Variants in TMEM255A observed in about 807,000 individuals in gnomAD.
TMEM255A encodes transmembrane protein 255A.
TMEM255A carries 14 observed loss-of-function variants against 23.5 expected under a neutral mutation model. The observed-to-expected ratio is 0.60, with a 90% CI of 0.39 to 0.93. The LOEUF is 0.93. Among genes scored for constraint, TMEM255A ranks in the 40% least tolerant of loss-of-function variants. The pLI is 0.00. For synonymous variants in TMEM255A, 104 were observed against 100.3 expected (o/e 1.04, Z -0.22); for missense variants, 233 against 261.7 (o/e 0.89, Z 0.76).
In TMEM255A at chrX:120,260,931, G is replaced by A. The variant is rs993421146; in HGVS notation, c.917C>T (p.Pro306Leu). ...ATAGTAGGGTGGAGAGTAACGGGGC[G>A]GTGCACTTGAGGACCACATGTAGCT... Reference protein sequence around the residue: ...SPSYMWSSSAPPRYSPPYYPP... With the variant: ...SPSYMWSSSALPRYSPPYYPP... Residue 306 changes from proline (P) to leucine (L), a missense_variant, in exon 9 of 9, where the codon CCG becomes CTG. By Grantham distance (98) the Pro-to-Leu change is moderately conservative. Transcript: ENST00000371369. 1.0e-5 allele frequency: 12 copies of A among 1,197,844 alleles called. No homozygotes were observed. Among genetic ancestry groups the A allele is most frequent in the African/African-American group, 7.1e-5 (4 of 56,065 alleles).
chrX:120,306,598 C>T (rs913434234), intron 1 of TMEM255A, among the ~76,000 whole-genome samples: 19 of 112,107 alleles, frequency 1.7e-4, no homozygotes, highest in Middle Eastern at 9.2e-3. Flanking sequence ...CCACGGATAT[C>T]TTTGTGATAT....
chrX:120,289,498 G>A (rs914107043), intron 4 of TMEM255A, among the ~76,000 whole-genome samples: 1 of 111,693 alleles, frequency 9.0e-6, no homozygotes, highest in Non-Finnish European at 1.9e-5. Context: ...TAGGATGGCT[G>A]GAATCAAAAA....
chrX:120,274,809 C>T (rs1193545880), intron 7 of TMEM255A, among the ~76,000 whole-genome samples: 2 of 112,003 alleles, frequency 1.8e-5, no homozygotes, highest in Non-Finnish European at 3.8e-5. Context: ...TCAGCGCCCA[C>T]AGTAGGGTAA....
chrX:120,311,395 G>A lies in TMEM255A; in HGVS notation c.-86C>T. On this transcript the variant is annotated 5_prime_UTR_variant, in exon 1 of 9. Transcript: ENST00000371369. ...CGCCCCGCAGAGCATCCTACTCCGC[G>A]GTTGCCTCTCTCGGTCCTTCCGAGA... 1 of 826,159 alleles carries A rather than the reference G, an allele frequency of 1.2e-6. No individual in the cohort carries two copies. The highest frequency in any genetic ancestry group is 1.8e-6 in the Non-Finnish European group (1 of 562,573). 68.1% of individuals were successfully genotyped at this position (826,159 alleles called of 1,213,427 possible). A position where few individuals can be genotyped will look rare whatever the true frequency, so the allele number is the denominator to read the frequency against.
At chrX:120,254,807 A>G, downstream of TMEM255A, 2 of 1,212,018 alleles carry the variant, frequency 1.7e-6, no homozygotes, top group Non-Finnish European at 2.2e-6. Flanking sequence ...ATGAAATACC[A>G]AAAACGTCTG....
At chrX:120,254,993 C>T (rs782378963), downstream of TMEM255A, 4 of 1,212,006 alleles carry the variant, frequency 3.3e-6, no homozygotes, top group South Asian at 7.0e-5. Context: ...CGTGCCGTTA[C>T]TGTGAGAAGG....
At chrX:120,295,385 T>C (rs2057947648) in intron 2 of TMEM255A, among the ~76,000 whole-genome samples, 1 of 110,495 alleles carries the variant, frequency 9.1e-6, no homozygotes, top group South Asian at 3.9e-4. Context: ...TAGGGCAGTG[T>C]AGGGGGACTG....
chrX:120,281,110 C>T (rs964634321), intron 6 of TMEM255A, among the ~76,000 whole-genome samples: 2 of 112,144 alleles, frequency 1.8e-5, no homozygotes, highest in Non-Finnish European at 3.8e-5. Flanking sequence ...AGGCCAAGGC[C>T]GACATGATGT....
rs868948282 is a variant in TMEM255A at position 120,295,129 on chromosome X, G to C, written c.202-1078C>G. Among the ~76,000 whole-genome samples the C allele has an allele frequency of 2.7e-5, 3 of 112,156 alleles. No individual in the cohort carries two copies. In the Admixed American group the frequency reaches 2.8e-4, roughly 11 times the overall value. ...GAGTCTGCCAGTCTTAGATGAAAAT[G>C]ATCACTAACTGATAGCTGTTGATGG... On this transcript the variant is annotated intron_variant, in intron 2 of 8. Coordinates refer to ENST00000371369, the MANE Select transcript of TMEM255A (RefSeq NM_001104544.3).
At chrX:120,305,359 G>A (rs1394232049) in intron 1 of TMEM255A, among the ~76,000 whole-genome samples, 2 of 109,198 alleles carry the variant, frequency 1.8e-5, no homozygotes, top group African/African-American at 6.7e-5. Context: ...ACTCTGCAGG[G>A]ATTTCTCAGG....
intron 8 of TMEM255A, among the ~76,000 whole-genome samples, chrX:120,265,988 C>CAAAAAAAAA (rs782107279): frequency 1.5e-5 from 1 of 68,757 alleles, no homozygotes; most frequent in Non-Finnish European, 2.6e-5. Context: ...ACAAAAGATA[C>CAAAAAAAAA]AAAAAAAAAA....
intron 6 of TMEM255A, among the ~76,000 whole-genome samples, chrX:120,279,454 G>A (rs1270657559): frequency 8.9e-6 from 1 of 112,348 alleles, no homozygotes; most frequent in African/African-American, 3.2e-5. Flanking sequence ...CCCCAAAAAC[G>A]GACAGCTGTA....
intron 6 of TMEM255A, among the ~76,000 whole-genome samples, chrX:120,283,629 A>T (rs1418248350): frequency 8.9e-6 from 1 of 111,739 alleles, no homozygotes; most frequent in African/African-American, 3.3e-5. Context: ...ATTGGTCGAC[A>T]TACCCTGCAT....
chrX:120,304,325 C>A, intron 2 of TMEM255A, 24 bp downstream of exon 2: 1 of 1,190,595 alleles, frequency 8.4e-7, no homozygotes, highest in Non-Finnish European at 1.1e-6. Context: ...GCTACTGCGA[C>A]CTACCTGTGC....
chrX:120,280,418 A>T (rs1348267556), intron 6 of TMEM255A, among the ~76,000 whole-genome samples: 1 of 105,795 alleles, frequency 9.5e-6, no homozygotes, highest in African/African-American at 3.4e-5. Flanking sequence ...CAGCCATTTA[A>T]TTTTTTTTTT....
intron 6 of TMEM255A, among the ~76,000 whole-genome samples, chrX:120,279,211 G>A (rs1029911808): frequency 6.2e-5 from 7 of 112,106 alleles, no homozygotes; most frequent in Non-Finnish European, 1.1e-4. Flanking sequence ...CTGGCATCAA[G>A]AGATACTCCC....
At chrX:120,310,967 C>A (rs1556028215) in intron 1 of TMEM255A, among the ~76,000 whole-genome samples, 1 of 110,025 alleles carries the variant, frequency 9.1e-6, no homozygotes, top group Non-Finnish European at 1.9e-5. Context: ...CCACCGACTG[C>A]AAGTCTGTAG....
intron 2 of TMEM255A, among the ~76,000 whole-genome samples, chrX:120,297,400 TTTTGTATGCGCTCAAA>T (rs2058003895): frequency 9.5e-6 from 1 of 104,973 alleles, no homozygotes; most frequent in Non-Finnish European, 1.9e-5. Flanking sequence ...GAGGAGACAT[TTTTGTATGCGCTCAAA>T]AGATGGATTA....
Position 120,285,232 on chromosome X carries a change from G to A in TMEM255A, c.424-17C>T. On this transcript the variant is annotated splice_polypyrimidine_tract_variant and intron_variant, in intron 5 of 8. Transcript: ENST00000371369. Reference sequence around the variant, plus strand: ...GCAGTTAACCTGACGGTATATAACAGTGAGGAGATGAGCTGGCATTGGATA... The same window carrying A: ...GCAGTTAACCTGACGGTATATAACAATGAGGAGATGAGCTGGCATTGGATA... 8.6e-7 allele frequency: 1 copy of A among 1,167,035 alleles called. No homozygotes were observed. The highest frequency in any genetic ancestry group is 1.2e-6 in the Non-Finnish European group (1 of 854,586).
Sources: gnomAD v4.1 joint callset for allele counts (sites outside exome capture counted in the v4.1 genomes callset) on GRCh38, gnomAD v4.1.1 for gene constraint, MANE v1.5 for transcripts, NCBI Gene and HGNC (gene_info 2026-07-23, HGNC 2026-07-21) for gene names.